KAT6B: variants seen among roughly 807,000 people sequenced by gnomAD.
KAT6B encodes the protein lysine acetyltransferase 6B.
In KAT6B, 10 loss-of-function variants were observed where a neutral mutation model predicts 187.5. The observed-to-expected ratio is 0.05, with a 90% confidence interval of 0.03 to 0.09. The LOEUF (loss-of-function observed/expected upper bound fraction) is 0.09, where lower values mean the gene tolerates loss of function less well. Among genes scored for constraint, KAT6B ranks in the 10% least tolerant of loss-of-function variants. The pLI is 1.00. For synonymous variants in KAT6B, 861 were observed against 926.8 expected (o/e 0.93, Z 1.29); for missense variants, 1,952 against 2,558.9 (o/e 0.76, Z 5.12).
chr10:74,870,057 A>T (rs1394821286), intron 3 of KAT6B, among the ~76,000 whole-genome samples: 1 of 152,130 alleles, frequency 6.6e-6, no homozygotes, highest in Non-Finnish European at 1.5e-5. Flanking sequence ...AGGCAGGAGG[A>T]TCAGTTGAGT....
chr10:74,979,226 A>G lies in KAT6B; in HGVS notation c.2118A>G (p.Lys706=). ...TTCCTTTTCTTTCTATTTGACAGAA[A>G]ATAGAGTGTGAGAGTGGGGTGGAAG... The part of the protein sequence containing the change: ...FKQAQELSWE[K]IECESGVEDC... Residue 706 remains lysine, a splice_region_variant and synonymous_variant, in exon 10 of 18, where the codon AAA becomes AAG. Coordinates refer to ENST00000287239, the MANE Select transcript of KAT6B (RefSeq NM_012330.4). 1.2e-6 allele frequency: 2 copies of G among 1,607,122 alleles called. No individual in the cohort carries two copies. The highest frequency in any genetic ancestry group is 2.2e-5 in the South Asian group (2 of 90,916).
chr10:74,904,456 G>T (rs1469735581), intron 3 of KAT6B, among the ~76,000 whole-genome samples: 1 of 152,134 alleles, frequency 6.6e-6, no homozygotes, highest in Non-Finnish European at 1.5e-5. Context: ...CTTCTTCAAG[G>T]TCAGCTGGAA....
chr10:74,909,511 T>G (rs1212627143), intron 3 of KAT6B, among the ~76,000 whole-genome samples: 1 of 152,176 alleles, frequency 6.6e-6, no homozygotes, highest in Non-Finnish European at 1.5e-5. Context: ...TCAGTTTGGG[T>G]TAGCATTGCA....
chr10:74,966,158 C>T (rs1333729930), intron 4 of KAT6B, among the ~76,000 whole-genome samples: 1 of 152,204 alleles, frequency 6.6e-6, no homozygotes, highest in African/African-American at 2.4e-5. Flanking sequence ...CAGCCCCCTC[C>T]CCATCTTGAA....
chr10:74,980,211 C>T (rs1313795304), intron 10 of KAT6B, among the ~76,000 whole-genome samples: 2 of 152,068 alleles, frequency 1.3e-5, no homozygotes, highest in African/African-American at 2.4e-5. Flanking sequence ...TTTTGTTTGT[C>T]TTGAACTCAA....
At chr10:74,890,874 GT>G (rs568645648) in intron 3 of KAT6B, among the ~76,000 whole-genome samples, 12 of 150,574 alleles carry the variant, frequency 8.0e-5, no homozygotes, top group African/African-American at 2.0e-4. Context: ...CACAGTTTGG[GT>G]TTTTTTTTGG....
intron 3 of KAT6B, among the ~76,000 whole-genome samples, chr10:74,850,290 A>G (rs1361345596): frequency 6.6e-6 from 1 of 152,172 alleles, no homozygotes; most frequent in Non-Finnish European, 1.5e-5. Flanking sequence ...AGCATTTTAA[A>G]TTTGGTAGAT....
chr10:74,895,965 T>A (rs1359341485), intron 3 of KAT6B, among the ~76,000 whole-genome samples: 1 of 152,144 alleles, frequency 6.6e-6, no homozygotes, highest in Non-Finnish European at 1.5e-5. Context: ...TTGTTGTTTT[T>A]TTTTGCCTGA....
chr10:74,959,870 G>T, intron 3 of KAT6B, 100 bp from the exon 4 acceptor site: 1 of 800,324 alleles, frequency 1.2e-6, no homozygotes. Flanking sequence ...GTTAAAGAAA[G>T]AAGAAGCTTT....
chr10:74,996,378 C>T (rs1032860722), intron 13 of KAT6B, among the ~76,000 whole-genome samples: 2 of 152,120 alleles, frequency 1.3e-5, no homozygotes, highest in Admixed American at 6.5e-5. Context: ...AGCATGACTG[C>T]GTGAGGAAGC....
At chr10:75,028,380 A>T (rs1846031997) in intron 17 of KAT6B, 109 bp from the exon 18 acceptor site, 1 of 1,528,374 alleles carries the variant, frequency 6.5e-7, no homozygotes, top group Non-Finnish European at 9.0e-7. Context: ...TAACATGCCA[A>T]ATTGAAAGCA....
chr10:74,917,715 G>A (rs1298152207), intron 3 of KAT6B, among the ~76,000 whole-genome samples: 2 of 152,214 alleles, frequency 1.3e-5, no homozygotes. Flanking sequence ...ACAGTGTTGA[G>A]GCAGCATTTT....
Position 75,031,301 on chromosome 10 carries a change from C to G in KAT6B, c.*255C>G, listed in dbSNP as rs1254297037. 2.0e-6 allele frequency: 1 copy of G among 495,646 alleles called. No individual in the cohort carries two copies. Among genetic ancestry groups the G allele is most frequent in the Non-Finnish European group, 3.6e-6 (1 of 276,020 alleles). 30.7% of individuals were successfully genotyped at this position (495,646 alleles called of 1,614,324 possible). A position where few individuals can be genotyped will look rare whatever the true frequency, so the allele number is the denominator to read the frequency against. On this transcript the variant is annotated 3_prime_UTR_variant, in exon 18 of 18. Transcript: ENST00000287239. ...ATATAAAATTCTCTGCAAAGGAAGGCCTCTCTTTGGACTACAATTTGGAGG... is the reference window on the plus strand; with the variant it reads ...ATATAAAATTCTCTGCAAAGGAAGGGCTCTCTTTGGACTACAATTTGGAGG...
chr10:75,023,905 T>G (rs1845624292), intron 16 of KAT6B, among the ~76,000 whole-genome samples: 1 of 152,160 alleles, frequency 6.6e-6, no homozygotes, highest in African/African-American at 2.4e-5. Context: ...TACCTGAAGG[T>G]TAGCTTTTAA....
Position 75,028,662 on chromosome 10 carries a change from C to A in KAT6B, c.3838C>A (p.Pro1280Thr), listed in dbSNP as rs1278426360. The A allele has an allele frequency of 2.5e-6, 4 of 1,614,102 alleles. No homozygotes were observed. Among genetic ancestry groups the A allele is most frequent in the Non-Finnish European group, 3.4e-6 (4 of 1,180,034 alleles). The change falls in exon 18 of 18, where the codon CCC becomes ACC. Residue 1280 changes from proline (P) to threonine (T), a missense_variant. By Grantham distance (38) the Pro-to-Thr change is conservative. Around this residue, in one of 9 missense-constraint regions of KAT6B, gnomAD observed 758 missense variants for 891.4 expected, o/e 0.85. Coordinates refer to ENST00000287239, the MANE Select transcript of KAT6B (RefSeq NM_012330.4). Reference protein sequence around the residue: ...KLNLYTPPETPMEPDEQVTVE... With the variant: ...KLNLYTPPETTMEPDEQVTVE... The stretch of plus-strand genomic sequence containing the variant: ...GAATTTGTACACCCCGCCAGAAACA[C>A]CCATGGAGCCTGACGAGCAGGTAAC...
chr10:75,020,758 C>T lies in KAT6B; in HGVS notation c.2806C>T (p.His936Tyr). ...TAGCAGAGCGACGGGCATGTGCCCA[C>T]ATGACATTGCCACCACTCTGCAGCA... ...AISRATGMCP[H>Y]DIATTLQHLH... Residue 936 changes from histidine (H) to tyrosine (Y), a missense_variant, in exon 14 of 18, where the codon CAT (histidine) becomes TAT (tyrosine). His to Tyr is a moderately conservative substitution (Grantham distance 83). Transcript: ENST00000287239. 1 of 1,614,208 alleles carries T rather than the reference C, an allele frequency of 6.2e-7. No homozygotes were observed. The highest frequency in any genetic ancestry group is 8.5e-7 in the Non-Finnish European group (1 of 1,180,034).
In KAT6B at chr10:75,028,920, G is replaced by C; in HGVS notation, c.4096G>C (p.Glu1366Gln). ...GGAGGAGGAAGAGGAAGAAGAGGAAGAAGAGGAAGGGGAAGAAGAAGAAGG... is the reference window on the plus strand; with the variant it reads ...GGAGGAGGAAGAGGAAGAAGAGGAACAAGAGGAAGGGGAAGAAGAAGAAGG... ...EEEEEEEEEEEEEGEEEEGGG... is the reference protein window; with the variant it reads ...EEEEEEEEEEQEEGEEEEGGG... The change falls in exon 18 of 18, where the codon GAA becomes CAA. Residue 1366 changes from glutamate to glutamine, a missense_variant. Physicochemically the swap from Glu to Gln is conservative, Grantham distance 29. Transcript: ENST00000287239. The C allele has an allele frequency of 6.2e-7, 1 of 1,612,048 alleles. No homozygotes were observed. The highest frequency in any genetic ancestry group is 2.2e-5 in the East Asian group (1 of 44,874).
intron 3 of KAT6B, among the ~76,000 whole-genome samples, chr10:74,877,772 A>T (rs1688147809): frequency 2.0e-5 from 3 of 152,214 alleles, no homozygotes; most frequent in African/African-American, 7.2e-5. Context: ...AAGTTTGAAG[A>T]AAGATAATTT....
At position 74,842,935 on chromosome 10, in the gene KAT6B, G is replaced by A. The variant is rs946308270; in HGVS notation, c.78G>A (p.Arg26=). Residue 26 remains arginine (R), a synonymous_variant, in exon 3 of 18, where the codon AGG becomes AGA. Coordinates refer to ENST00000287239, the MANE Select transcript of KAT6B (RefSeq NM_012330.4). ...AIQKIKKQKQ[R]PSEERICHAV... ...AGAAAATAAAAAAGCAAAAGCAAAGGCCCTCTGAAGAGAGAATCTGCCATG... is the reference window on the plus strand; with the variant it reads ...AGAAAATAAAAAAGCAAAAGCAAAGACCCTCTGAAGAGAGAATCTGCCATG... The A allele has an allele frequency of 1.2e-6, 2 of 1,614,022 alleles. No homozygotes were observed. Among genetic ancestry groups the A allele is most frequent in the African/African-American group, 1.3e-5 (1 of 74,908 alleles).
Sources: gnomAD v4.1 joint callset for allele counts (sites outside exome capture counted in the v4.1 genomes callset) on GRCh38, gnomAD v4.1.1 for gene constraint, gnomAD v4.1.1 regional missense constraint, MANE v1.5 for transcripts, NCBI Gene and HGNC (gene_info 2026-07-23, HGNC 2026-07-21) for gene names.